Variants in SV2C observed in about 807,000 individuals in gnomAD.
SV2C encodes synaptic vesicle glycoprotein 2C, also known as solute carrier family 22 member B3.
Under a neutral mutation model 79.7 loss-of-function variants are expected in SV2C, and 49 were observed. The ratio of observed to expected loss-of-function variants is 0.61; its 90% CI spans 0.49 to 0.78. The LOEUF is 0.78. SV2C is among the 30% of genes least tolerant of loss of function. SV2C has a pLI of 0.00. For missense variants in SV2C, 833 were observed against 912.9 expected (o/e 0.91, Z 1.13); for synonymous variants, 334 against 333.2 (o/e 1.00, Z -0.03).
chr5:76,026,201 AACACACACACACACACACACAC>A, the SV2C span, among the ~76,000 whole-genome samples: 19 of 140,138 alleles, frequency 1.4e-4, no homozygotes, highest in South Asian at 2.4e-4. Flanking sequence ...CAAATTTACA[AACACACACACACACACACACAC>A]ACACACACAC....
At chr5:75,881,340 G>A in the SV2C span, among the ~76,000 whole-genome samples, 66 of 152,186 alleles carry the variant, frequency 4.3e-4, no homozygotes, top group Admixed American at 3.3e-3. Context: ...GTTTAAATAC[G>A]TTAACATATA....
chr5:76,151,051 A>G (rs1426598067), intron 2 of SV2C, among the ~76,000 whole-genome samples: 7 of 152,206 alleles, frequency 4.6e-5, no homozygotes, highest in African/African-American at 1.7e-4. Flanking sequence ...CATCAGAATG[A>G]CACAGGAAGC....
intron 4 of SV2C, among the ~76,000 whole-genome samples, chr5:76,255,409 A>G (rs1010959817): frequency 1.3e-5 from 2 of 152,164 alleles, no homozygotes; most frequent in Non-Finnish European, 2.9e-5. Context: ...CCTCCCATGC[A>G]GGGACCCTGT....
the SV2C span, among the ~76,000 whole-genome samples, chr5:75,912,535 C>G: frequency 6.6e-6 from 1 of 152,104 alleles, no homozygotes; most frequent in African/African-American, 2.4e-5. Flanking sequence ...ATAGAAAACC[C>G]CCCACAACTC....
chr5:76,008,377 G>A, the SV2C span, among the ~76,000 whole-genome samples: 1 of 152,100 alleles, frequency 6.6e-6, no homozygotes, highest in African/African-American at 2.4e-5. Context: ...TGGAGATGAA[G>A]GAATATTTTT....
chr5:76,280,575 G>C (rs1747153551), intron 4 of SV2C, among the ~76,000 whole-genome samples: 1 of 152,196 alleles, frequency 6.6e-6, no homozygotes, highest in South Asian at 2.1e-4. Flanking sequence ...GAGACCAGCT[G>C]TCAAGATGGA....
At chr5:76,230,248 C>T (rs1745371910) in intron 4 of SV2C, among the ~76,000 whole-genome samples, 1 of 152,182 alleles carries the variant, frequency 6.6e-6, no homozygotes. Flanking sequence ...AATTAAAACA[C>T]ATTGGCTATG....
At chr5:76,199,137 T>A (rs1744356264) in intron 3 of SV2C, among the ~76,000 whole-genome samples, 1 of 149,326 alleles carries the variant, frequency 6.7e-6, no homozygotes, top group African/African-American at 2.4e-5. Context: ...TGAAGTTTTA[T>A]ATATTCTTTT....
the SV2C span, among the ~76,000 whole-genome samples, chr5:75,936,893 C>T: frequency 6.6e-6 from 1 of 152,190 alleles, no homozygotes. Flanking sequence ...ATGCTATCAA[C>T]ACAAGCAGTC....
chr5:76,201,014 T>G (rs1445761195), intron 3 of SV2C, among the ~76,000 whole-genome samples: 1 of 152,216 alleles, frequency 6.6e-6, no homozygotes, highest in East Asian at 1.9e-4. Context: ...TTCCTCTTAA[T>G]TCATCAAACC....
intron 4 of SV2C, among the ~76,000 whole-genome samples, chr5:76,278,356 TA>T: frequency 6.6e-6 from 1 of 151,976 alleles, no homozygotes; most frequent in East Asian, 1.9e-4. Flanking sequence ...GTCAAGACAA[TA>T]AAACAGGCCT....
At chr5:75,898,779 C>T in the SV2C span, among the ~76,000 whole-genome samples, 87 of 152,122 alleles carry the variant, frequency 5.7e-4, no homozygotes, top group African/African-American at 1.7e-3. Flanking sequence ...ATTCAACTTC[C>T]TCCTGGTTTA....
chr5:76,317,711 T>A (rs531279168), intron 12 of SV2C, among the ~76,000 whole-genome samples: 4 of 152,124 alleles, frequency 2.6e-5, no homozygotes, highest in Admixed American at 1.3e-4. Context: ...ACATTTGTGG[T>A]CCTAGCTACT....
chr5:76,347,071 G>C (rs929848012), intron 12 of SV2C, among the ~76,000 whole-genome samples: 8 of 152,110 alleles, frequency 5.3e-5, no homozygotes, highest in Non-Finnish European at 1.0e-4. Context: ...AAAGAGGGGG[G>C]AAAAACAGAA....
chr5:76,168,611 C>T (rs564808679), intron 2 of SV2C, among the ~76,000 whole-genome samples: 1 of 152,342 alleles, frequency 6.6e-6, no homozygotes, highest in East Asian at 1.9e-4. Flanking sequence ...CCGCGTTGCT[C>T]TCTCTCCGTT....
the SV2C span, among the ~76,000 whole-genome samples, chr5:76,016,874 G>C: frequency 6.6e-6 from 1 of 152,164 alleles, no homozygotes; most frequent in Admixed American, 6.5e-5. Flanking sequence ...CTCAAAGAGG[G>C]AATCTCCTTT....
At chr5:76,177,181 A>C (rs1188267342) in intron 2 of SV2C, among the ~76,000 whole-genome samples, 3 of 146,816 alleles carry the variant, frequency 2.0e-5, no homozygotes, top group Non-Finnish European at 4.5e-5. Flanking sequence ...TATATTAATC[A>C]ATATATTATA....
the SV2C span, among the ~76,000 whole-genome samples, chr5:75,903,097 A>G: frequency 3.3e-5 from 5 of 152,366 alleles, no homozygotes; most frequent in South Asian, 8.3e-4. Flanking sequence ...AGTTATTCAA[A>G]AGTGAACAGC....
At chr5:76,068,674 T>G in the SV2C span, among the ~76,000 whole-genome samples, 7 of 152,216 alleles carry the variant, frequency 4.6e-5, no homozygotes, top group African/African-American at 1.7e-4. Context: ...ATATTCTTAT[T>G]TATTTATAAC....
Sources: allele counts gnomAD v4.1 joint callset (sites outside exome capture counted in the v4.1 genomes callset), GRCh38; gene constraint gnomAD v4.1.1; transcripts MANE v1.5; gene names NCBI Gene and HGNC (gene_info 2026-07-23, HGNC 2026-07-21).